Variants in MLLT1 observed in about 807,000 individuals in gnomAD.
MLLT1 encodes the protein protein ENL.
MLLT1 carries 11 observed loss-of-function variants against 55.1 expected under a neutral mutation model. The ratio of observed to expected loss-of-function variants is 0.20; its 90% CI spans 0.13 to 0.33. MLLT1 has a LOEUF of 0.33. Ranked by LOEUF, MLLT1 falls within the 10% of genes least tolerant of loss-of-function variation. MLLT1 has a pLI of 1.00. For synonymous variants in MLLT1, 323 were observed against 320.1 expected, an observed-to-expected ratio of 1.01 and a Z score of -0.10; for missense variants, 536 against 760.6, an observed-to-expected ratio of 0.70 and a Z score of 3.47.
Position 6,213,716 on chromosome 19 carries a change from G to C in MLLT1, c.1479+10C>G, listed in dbSNP as rs1274870563. The C allele has an allele frequency of 6.3e-7, 1 of 1,580,962 alleles. No homozygotes were observed. Among genetic ancestry groups the C allele is most frequent in the Non-Finnish European group, 8.7e-7 (1 of 1,152,814 alleles). On this transcript the variant is annotated intron_variant, in intron 10 of 11. Transcript: ENST00000252674. ...GTAGCCTCCCCGCCTTGTCGTAGGT[G>C]CCCCCCCACCTTGTCGTAGGTGCCC...
At chr19:6,234,265 C>T (rs1035054905) in intron 3 of MLLT1, among the ~76,000 whole-genome samples, 13 of 152,236 alleles carry the variant, frequency 8.5e-5, no homozygotes, top group African/African-American at 2.9e-4. Flanking sequence ...GTGGTGACGC[C>T]GACCCTGGGG....
chr19:6,243,172 G>T (rs892498689), intron 3 of MLLT1, among the ~76,000 whole-genome samples: 1 of 152,326 alleles, frequency 6.6e-6, no homozygotes, highest in African/African-American at 2.4e-5. Context: ...GTCACCAAGC[G>T]GTAAAGCTGA....
intron 3 of MLLT1, among the ~76,000 whole-genome samples, chr19:6,241,097 C>T (rs1267627275): frequency 6.6e-6 from 1 of 152,164 alleles, no homozygotes; most frequent in Non-Finnish European, 1.5e-5. Flanking sequence ...TGAAAGTCAC[C>T]GGCCCAATGC....
intron 6 of MLLT1, among the ~76,000 whole-genome samples, chr19:6,218,369 G>A (rs921858853): frequency 5.3e-5 from 8 of 152,226 alleles, no homozygotes; most frequent in African/African-American, 1.7e-4. Context: ...CTGGGGCAGG[G>A]GCTTGAAGTC....
intron 3 of MLLT1, among the ~76,000 whole-genome samples, chr19:6,260,777 T>G (rs1360001565): frequency 6.6e-6 from 1 of 152,198 alleles, no homozygotes; most frequent in Non-Finnish European, 1.5e-5. Flanking sequence ...GCCTGGTAGG[T>G]TGAGGATACA....
chr19:6,218,077 A>G (rs1352154283), intron 6 of MLLT1, 36 bp from the exon 7 acceptor site: 11 of 1,573,584 alleles, frequency 7.0e-6, no homozygotes, highest in Non-Finnish European at 9.5e-6. Flanking sequence ...GGAGGGGAGA[A>G]AGGGAGAGCT....
At chr19:6,216,102 C>G (rs1366268270) in intron 8 of MLLT1, among the ~76,000 whole-genome samples, 1 of 152,128 alleles carries the variant, frequency 6.6e-6, no homozygotes, top group Non-Finnish European at 1.5e-5. Context: ...GGGCTCCCTC[C>G]TGCACCCCTC....
intron 5 of MLLT1, among the ~76,000 whole-genome samples, chr19:6,224,308 G>A (rs752607914): frequency 4.6e-5 from 7 of 152,252 alleles, no homozygotes; most frequent in South Asian, 2.1e-4. Context: ...CTGGGACAGC[G>A]GGAGTGCCCC....
intron 3 of MLLT1, among the ~76,000 whole-genome samples, chr19:6,261,194 C>T (rs1298357416): frequency 1.3e-5 from 2 of 152,218 alleles, no homozygotes; most frequent in African/African-American, 2.4e-5. Flanking sequence ...CAGGCAGGTT[C>T]GGCTCTTCTC....
chr19:6,256,678 C>T lies in MLLT1; in HGVS notation c.276+5550G>A, dbSNP rs561236750. ...CTGAGGCAGGAGAATGGTGTGAACCCGGGAGGCGGAGCTTGCAGTGAGCCG... is the reference window on the plus strand; with the variant it reads ...CTGAGGCAGGAGAATGGTGTGAACCTGGGAGGCGGAGCTTGCAGTGAGCCG... On this transcript the variant is annotated intron_variant, in intron 3 of 11. Coordinates refer to ENST00000252674, the MANE Select transcript of MLLT1 (RefSeq NM_005934.4). This position sits in a 1 kb window ranked among gnomAD's most constrained non-coding sequence, Gnocchi z 4.1. Among the ~76,000 whole-genome samples, 27 of 152,034 alleles carry T rather than the reference C, an allele frequency of 1.8e-4. No individual in the cohort carries two copies. The highest frequency in any genetic ancestry group is 6.0e-4 in the African/African-American group (25 of 41,474).
chr19:6,259,916 G>A (rs2091289991), intron 3 of MLLT1: 1 of 151,022 alleles, frequency 6.6e-6, no homozygotes, highest in Non-Finnish European at 1.5e-5. Context: ...TTTACTATAT[G>A]TAAATTATAC....
In MLLT1 at chr19:6,214,001, C is replaced by T. The variant is rs559595286; in HGVS notation, c.1345G>A (p.Asp449Asn). The change falls in exon 9 of 12, where the codon GAC (aspartate) becomes AAC (asparagine). Residue 449 changes from aspartate to asparagine, a missense_variant. Asp to Asn is a conservative substitution (Grantham distance 23). Coordinates refer to ENST00000252674, the MANE Select transcript of MLLT1 (RefSeq NM_005934.4). The part of the protein sequence containing the change: ...FSDSESDNSA[D>N]SSLPSREPPP... Reference sequence around the variant, plus strand: ...GGCTCACGGCTGGGCAGGGAGGAGTCGGCGCTGTTGTCACTCTCGCTGTCG... The same window carrying T: ...GGCTCACGGCTGGGCAGGGAGGAGTTGGCGCTGTTGTCACTCTCGCTGTCG... 139 of 1,454,992 alleles carry T rather than the reference C, an allele frequency of 9.6e-5. No homozygotes were observed. The highest frequency in any genetic ancestry group is 2.6e-4 in the Middle Eastern group (1 of 3,912). The allele number at this position is 1,454,992 out of a possible 1,614,324, so 90.1% of individuals were successfully genotyped here. A position where few individuals can be genotyped will look rare whatever the true frequency, so the allele number is the denominator to read the frequency against.
At chr19:6,246,468 G>A (rs10414026) in intron 3 of MLLT1, among the ~76,000 whole-genome samples, 62,436 of 152,100 alleles carry the variant, frequency 0.41, 15,951 homozygotes, top group African/African-American at 0.73. Flanking sequence ...AACAAAACAC[G>A]AAGATTCATT....
intron 6 of MLLT1, 91 bp from the exon 7 acceptor site, chr19:6,218,132 C>T (rs904435618): frequency 3.3e-5 from 49 of 1,498,620 alleles, no homozygotes; most frequent in Non-Finnish European, 3.7e-5. Context: ...GCAGCAGCTA[C>T]GCTGAGTGGG....
chr19:6,278,482 T>TG (rs199589758), intron 1 of MLLT1, among the ~76,000 whole-genome samples: 40 of 135,698 alleles, frequency 2.9e-4, no homozygotes, highest in Non-Finnish European at 4.6e-4. Context: ...TCTAAGATCC[T>TG]GGGGGAAAAA....
intron 3 of MLLT1, among the ~76,000 whole-genome samples, chr19:6,244,899 C>T (rs111415493): frequency 3.3e-5 from 5 of 152,284 alleles, no homozygotes; most frequent in Non-Finnish European, 5.9e-5. Context: ...CCACTTCACA[C>T]CCACTAGGAC....
In MLLT1 at chr19:6,256,667, T is replaced by C. The variant is rs890717673; in HGVS notation, c.276+5561A>G. Among the ~76,000 whole-genome samples, 10 of 151,794 alleles carry C rather than the reference T, an allele frequency of 6.6e-5. No homozygotes were observed. The highest frequency in any genetic ancestry group is 2.2e-4 in the African/African-American group (9 of 41,276). On this transcript the variant is annotated intron_variant, in intron 3 of 11. Coordinates refer to ENST00000252674, the MANE Select transcript of MLLT1 (RefSeq NM_005934.4). This position sits in a 1 kb window ranked among gnomAD's most constrained non-coding sequence, Gnocchi z 4.1. ...TACTCGGGAGGCTGAGGCAGGAGAA[T>C]GGTGTGAACCCGGGAGGCGGAGCTT...
chr19:6,260,919 C>T (rs575346949), intron 3 of MLLT1, among the ~76,000 whole-genome samples: 1 of 152,332 alleles, frequency 6.6e-6, no homozygotes, highest in South Asian at 2.1e-4. Context: ...CTAAGTCACC[C>T]CAGAGGCGAG....
At chr19:6,236,824 A>C (rs944808155) in intron 3 of MLLT1, among the ~76,000 whole-genome samples, 10 of 152,196 alleles carry the variant, frequency 6.6e-5, no homozygotes, top group African/African-American at 2.4e-4. Context: ...GCAATGGCAA[A>C]GTCAAAGGTG....
Sources: gnomAD v4.1 joint callset for allele counts (sites outside exome capture counted in the v4.1 genomes callset) on GRCh38, gnomAD v4.1.1 for gene constraint, Gnocchi (gnomAD v3.1) non-coding constraint, MANE v1.5 for transcripts, NCBI Gene and HGNC (gene_info 2026-07-23, HGNC 2026-07-21) for gene names.